CKAP5: variants seen among roughly 807,000 people sequenced by gnomAD.
CKAP5 encodes cytoskeleton associated protein 5.
CKAP5 carries 27 observed loss-of-function variants against 232.8 expected under a neutral mutation model. The ratio of observed to expected loss-of-function variants is 0.12; its 90% CI spans 0.09 to 0.16. CKAP5 has a LOEUF of 0.16. CKAP5 is among the 10% of genes least tolerant of loss of function. The pLI is 1.00. For missense variants in CKAP5, 1,838 were observed against 2,424.7 expected, an observed-to-expected ratio of 0.76 and a Z score of 5.08; for synonymous variants, 785 against 841.1, an observed-to-expected ratio of 0.93 and a Z score of 1.16.
intron 13 of CKAP5, 134 bp downstream of exon 13, chr11:46,795,460 T>C (rs1010001687): frequency 6.0e-6 from 4 of 669,958 alleles, no homozygotes; most frequent in Non-Finnish European, 9.8e-6. Context: ...CTATCTTCAT[T>C]AACAGATTTT....
intron 13 of CKAP5, among the ~76,000 whole-genome samples, chr11:46,792,837 GGTCCAGGTAATT>G (rs1181007179): frequency 2.6e-5 from 4 of 152,130 alleles, no homozygotes; most frequent in South Asian, 2.1e-4. Context: ...TAAGGTTTTG[GGTCCAGGTAATT>G]GTCCAGAGAA....
At chr11:46,764,730 T>G (rs1039005663) in intron 28 of CKAP5, among the ~76,000 whole-genome samples, 1 of 152,176 alleles carries the variant, frequency 6.6e-6, no homozygotes, top group Non-Finnish European at 1.5e-5. Flanking sequence ...TAAAAAAGAT[T>G]ATGTATTTTG....
rs778255879 is a variant in CKAP5, at chr11:46,811,194, T to C, written c.459-16A>G. ...ACCAAATTCACTACAAGTAAAAAAT[T>C]GGGAAAAAACTGTCAACGTGCAATG... On this transcript the variant is annotated splice_polypyrimidine_tract_variant and intron_variant, in intron 4 of 43. Transcript: ENST00000529230. 3.7e-6 allele frequency: 6 copies of C among 1,608,448 alleles called. No individual in the cohort carries two copies. In the South Asian group the frequency reaches 6.6e-5, roughly 18 times the overall value.
chr11:46,765,802 A>C (rs1199527447), intron 27 of CKAP5, among the ~76,000 whole-genome samples: 1 of 151,844 alleles, frequency 6.6e-6, no homozygotes, highest in Non-Finnish European at 1.5e-5. Context: ...ACAGGGTTTC[A>C]CCATGTTGTC....
In CKAP5 at chr11:46,759,425, C is replaced by T; in HGVS notation, c.4412G>A (p.Ser1471Asn). The T allele has an allele frequency of 6.2e-7, 1 of 1,613,514 alleles. No homozygotes were observed. The highest frequency in any genetic ancestry group is 8.5e-7 in the Non-Finnish European group (1 of 1,179,824). ...SSKLNQARSM[S>N]GHPEAAQMVR... ...CATCTGGGCTGCCTCAGGATGCCCA[C>T]TCATGCTTCGGGCTTGGCTAAGGGA... The change falls in exon 34 of 44, where the codon AGT (serine) becomes AAT (asparagine). Residue 1471 changes from serine (S) to asparagine (N), a missense_variant. By Grantham distance (46) the Ser-to-Asn change is conservative (BLOSUM62 1). Around this residue, in one of 6 missense-constraint regions of CKAP5, gnomAD observed 579 missense variants for 843.2 expected, o/e 0.69. Coordinates refer to ENST00000529230, the MANE Select transcript of CKAP5 (RefSeq NM_001008938.4).
chr11:46,795,073 A>G (rs1344399508), intron 13 of CKAP5, among the ~76,000 whole-genome samples: 1 of 152,212 alleles, frequency 6.6e-6, no homozygotes, highest in African/African-American at 2.4e-5. Context: ...TCACGCCTGT[A>G]ATCTCAGCAC....
chr11:46,803,314 T>G (rs1223602037), intron 8 of CKAP5, among the ~76,000 whole-genome samples: 1 of 151,884 alleles, frequency 6.6e-6, no homozygotes, highest in African/African-American at 2.4e-5. Flanking sequence ...ATTTTTTTTT[T>G]GAGACAGAGT....
intron 26 of CKAP5, among the ~76,000 whole-genome samples, chr11:46,769,574 T>C (rs1252272488): frequency 6.6e-6 from 1 of 151,918 alleles, no homozygotes; most frequent in East Asian, 1.9e-4. Flanking sequence ...CGCATGCCTG[T>C]AGTCCCAGCA....
intron 15 of CKAP5, among the ~76,000 whole-genome samples, chr11:46,789,213 A>G (rs1419611689): frequency 6.6e-6 from 1 of 152,198 alleles, no homozygotes; most frequent in African/African-American, 2.4e-5. Context: ...TCTAAACCCA[A>G]TGGGCAGCAG....
At chr11:46,753,255 G>T in intron 37 of CKAP5, 55 bp downstream of exon 37, 1 of 1,410,452 alleles carries the variant, frequency 7.1e-7, no homozygotes, top group Non-Finnish European at 9.6e-7. Context: ...TGGTTTCTAA[G>T]TGTAAACAAA....
intron 1 of CKAP5, among the ~76,000 whole-genome samples, chr11:46,824,314 C>T (rs181864745): frequency 6.6e-6 from 1 of 152,312 alleles, no homozygotes; most frequent in Admixed American, 6.5e-5. Context: ...TCAGGAGAAT[C>T]TGCAGGAACT....
At chr11:46,748,206 T>A (rs1305320805) in intron 42 of CKAP5, among the ~76,000 whole-genome samples, 1 of 152,010 alleles carries the variant, frequency 6.6e-6, no homozygotes, top group Non-Finnish European at 1.5e-5. Context: ...CTGGAAAATG[T>A]TTCATTAGAG....
chr11:46,763,044 G>C lies in CKAP5; in HGVS notation c.3823C>G (p.Leu1275Val). 1 of 1,613,620 alleles carries C rather than the reference G, an allele frequency of 6.2e-7. No homozygotes were observed. The highest frequency in any genetic ancestry group is 2.2e-5 in the East Asian group (1 of 44,876). ...LEYLKLLFTL[L>V]SEEEYHLTEN... ...GTAAGATGATATTCTTCTTCACTTA[G>C]CAAGGTGAAGAGCAATTTTAAATAT... Residue 1275 changes from leucine to valine, a missense_variant, in exon 30 of 44, where the codon CTA becomes GTA. Leu to Val is a conservative substitution (Grantham distance 32). Around this residue, in one of 6 missense-constraint regions of CKAP5, gnomAD observed 48 missense variants for 98.1 expected, o/e 0.49. Transcript: ENST00000529230.
At chr11:46,747,091 C>T (rs906036844) in intron 42 of CKAP5, among the ~76,000 whole-genome samples, 2 of 152,096 alleles carry the variant, frequency 1.3e-5, no homozygotes, top group Non-Finnish European at 1.5e-5. Context: ...GAGCCGAGAT[C>T]GTCACTGCAT....
intron 35 of CKAP5, among the ~76,000 whole-genome samples, chr11:46,758,508 G>T (rs1472443432): frequency 1.3e-5 from 2 of 152,096 alleles, no homozygotes; most frequent in Non-Finnish European, 2.9e-5. Flanking sequence ...TTTATCTCTA[G>T]CCTCTGGTGA....
intron 5 of CKAP5, 97 bp from the exon 6 acceptor site, chr11:46,809,971 C>CT: frequency 4.8e-6 from 6 of 1,244,294 alleles, no homozygotes; most frequent in African/African-American, 4.6e-5. Flanking sequence ...GACCCAATTT[C>CT]TTTCTTTTTT....
At chr11:46,815,193 G>T (rs141124831) in intron 4 of CKAP5, among the ~76,000 whole-genome samples, 1 of 152,054 alleles carries the variant, frequency 6.6e-6, no homozygotes, top group Non-Finnish European at 1.5e-5. Context: ...TGGAATTACA[G>T]GCATGCGCCA....
intron 11 of CKAP5, 45 bp downstream of exon 11, chr11:46,797,760 T>TGC: frequency 6.4e-7 from 1 of 1,554,018 alleles, no homozygotes; most frequent in Non-Finnish European, 8.7e-7. Flanking sequence ...AAAAGAATCT[T>TGC]GCCTAGGTAT....
intron 3 of CKAP5, among the ~76,000 whole-genome samples, chr11:46,817,386 A>G (rs7119553): frequency 1 from 152,198 of 152,328 alleles, 76,034 homozygotes; most frequent in Middle Eastern, 1. Context: ...TTGACTCCTT[A>G]ATAAGACTTT....
Sources: gnomAD v4.1 joint callset for allele counts (sites outside exome capture counted in the v4.1 genomes callset) on GRCh38, gnomAD v4.1.1 for gene constraint, gnomAD v4.1.1 regional missense constraint, MANE v1.5 for transcripts, NCBI Gene and HGNC (gene_info 2026-07-23, HGNC 2026-07-21) for gene names.